The following AP3S2 variants were observed in gnomAD, a reference collection of about 807,000 sequenced individuals.
AP3S2 encodes the protein adaptor related protein complex 3 subunit sigma 2.
AP3S2 carries 22 observed loss-of-function variants against 23.4 expected under a neutral mutation model. That is an observed-to-expected ratio of 0.94 (90% CI 0.67 to 1.34). The LOEUF (loss-of-function observed/expected upper bound fraction) is 1.34. Ranked by LOEUF, AP3S2 falls within the 40% of genes most tolerant of loss-of-function variation. The pLI, the probability that AP3S2 is intolerant of heterozygous loss-of-function variation, is 0.00. For missense variants in AP3S2, 241 were observed against 236.9 expected (o/e 1.02, Z -0.11); for synonymous variants, 86 against 87.1 (o/e 0.99, Z 0.07).
chr15:89,863,574 A>G (rs1036333103), intron 4 of AP3S2, among the ~76,000 whole-genome samples: 4 of 152,232 alleles, frequency 2.6e-5, no homozygotes, highest in African/African-American at 9.6e-5. Context: ...AGAAGCAGTG[A>G]TAAAAAGAGT....
chr15:89,855,395 G>GC (rs1414770316), intron 4 of AP3S2, among the ~76,000 whole-genome samples: 2 of 76,046 alleles, frequency 2.6e-5, no homozygotes, highest in Non-Finnish European at 5.3e-5. Flanking sequence ...ACTGCGGAAG[G>GC]CCACAGGGTC....
In AP3S2 at chr15:89,858,511, GAGAGAGAGAGAGAGAA is replaced by G. The variant is rs1435884685; in HGVS notation, c.345+12948_345+12963del. ...AGAAAGAAAGAGAGAGAGAGAGAGA[GAGAGAGAGAGAGAGAA>G]AGAAAGAAAGAAAGAAAGAAAGAAA... On this transcript the variant is annotated intron_variant, in intron 4 of 5. Transcript: ENST00000336418. Among the ~76,000 whole-genome samples, 9 of 55,554 alleles carry G rather than the reference GAGAGAGAGAGAGAGAA, an allele frequency of 1.6e-4. 1 individual carries two copies. Among genetic ancestry groups the G allele is most frequent in the African/African-American group, 4.7e-4 (9 of 19,176 alleles). 36.4% of individuals were successfully genotyped at this position (55,554 alleles called of 152,430 possible). A position where few individuals can be genotyped will look rare whatever the true frequency, so the allele number is the denominator to read the frequency against.
intron 4 of AP3S2, among the ~76,000 whole-genome samples, chr15:89,859,172 T>C (rs1208358585): frequency 2.0e-5 from 3 of 150,816 alleles, no homozygotes; most frequent in African/African-American, 7.3e-5. Context: ...GTGTCCTTCC[T>C]TCCTTCCTTT....
intron 3 of AP3S2, among the ~76,000 whole-genome samples, chr15:89,879,409 T>C (rs1346870334): frequency 6.6e-6 from 1 of 152,184 alleles, no homozygotes; most frequent in African/African-American, 2.4e-5. Context: ...AGGATGTCAT[T>C]GCAGCATCCT....
chr15:89,873,804 G>C lies in AP3S2; in HGVS notation c.274-2258C>G, dbSNP rs565640639. ...ACCCATTTAGCAATAAGACATAAAT[G>C]GGTCTTATTTTATTTCTAATTAATA... On this transcript the variant is annotated intron_variant, in intron 3 of 5. Coordinates refer to ENST00000336418, the MANE Select transcript of AP3S2 (RefSeq NM_005829.5). Among the ~76,000 whole-genome samples the C allele has an allele frequency of 2.7e-5, 4 of 150,768 alleles. No individual in the cohort carries two copies. The East Asian group carries it at 7.8e-4, about 29-fold the overall frequency.
At chr15:89,870,702 C>G (rs1327311843) in intron 4 of AP3S2, among the ~76,000 whole-genome samples, 1 of 152,188 alleles carries the variant, frequency 6.6e-6, no homozygotes, top group Non-Finnish European at 1.5e-5. Context: ...CAATGAGCAG[C>G]AGTCTCCTAA....
chr15:89,837,539 C>G, intron 5 of AP3S2, 76 bp downstream of exon 5: 2 of 1,554,814 alleles, frequency 1.3e-6, no homozygotes, highest in Admixed American at 3.4e-5. Flanking sequence ...CAACACAAAC[C>G]AACACATGTA....
At chr15:89,849,868 C>G (rs374597968) in intron 4 of AP3S2, among the ~76,000 whole-genome samples, 4 of 152,014 alleles carry the variant, frequency 2.6e-5, no homozygotes, top group South Asian at 4.2e-4. Context: ...TGATGGTCCC[C>G]TCCCTGTGCC....
Position 89,832,548 on chromosome 15 carries a change from G to A in AP3S2, c.*2967C>T, listed in dbSNP as rs2141828350. The A allele has an allele frequency of 6.7e-6, 1 of 148,484 alleles. No individual in the cohort carries two copies. Among genetic ancestry groups the A allele is most frequent in the East Asian group, 2.0e-4 (1 of 5,070 alleles). The allele number at this position is 148,484 out of a possible 1,614,324, so 9.2% of individuals were successfully genotyped here. A position where few individuals can be genotyped will look rare whatever the true frequency, so the allele number is the denominator to read the frequency against. ...GTGTTGCCCAGGCTGGAGTGTAGTG[G>A]TGCGATCTTGGCTCACTGCAAGCTC... On this transcript the variant is annotated 3_prime_UTR_variant, in exon 6 of 6. Coordinates refer to ENST00000336418, the MANE Select transcript of AP3S2 (RefSeq NM_005829.5).
intron 1 of AP3S2, chr15:89,893,564 A>G (rs1896868120): frequency 2.5e-6 from 1 of 403,906 alleles, no homozygotes; most frequent in Non-Finnish European, 4.4e-6. Flanking sequence ...GACTTCAATC[A>G]CTCAAGTTCT....
At chr15:89,851,693 C>G (rs550285623) in intron 4 of AP3S2, among the ~76,000 whole-genome samples, 7 of 152,218 alleles carry the variant, frequency 4.6e-5, no homozygotes, top group Admixed American at 3.9e-4. Flanking sequence ...ATATTTTATG[C>G]TCTTTGAATA....
intron 4 of AP3S2, chr15:89,850,702 T>C (rs1267847467): frequency 7.0e-6 from 1 of 142,306 alleles, no homozygotes; most frequent in Admixed American, 7.8e-5. Context: ...GTTCAAGGCA[T>C]TCACTGATTT....
chr15:89,844,273 CTCTCTCTCTCTT>C (rs1596189503), intron 4 of AP3S2, among the ~76,000 whole-genome samples: 4 of 16,230 alleles, frequency 2.5e-4, no homozygotes, highest in Non-Finnish European at 4.7e-4. Flanking sequence ...CTTTCTTTCT[CTCTCTCTCTCTT>C]TCTTTCTTTA....
chr15:89,835,671 G>C, intron 5 of AP3S2, 28 bp from the exon 6 acceptor site: 1 of 1,320,264 alleles, frequency 7.6e-7, no homozygotes, highest in Non-Finnish European at 1.0e-6. Context: ...GCGAGTATGA[G>C]ACAAATTCTC....
rs144319897 is a variant in AP3S2 at position 89,874,398 on chromosome 15, G to A, written c.274-2852C>T. Among the ~76,000 whole-genome samples the A allele has an allele frequency of 3.6e-4, 55 of 152,312 alleles. No individual in the cohort carries two copies. The East Asian group carries it at 0.01, about 28-fold the overall frequency. ...GAAGAGACCACCAAACAGGCTTTGT[G>A]TGAGAAACAAGGCTGTTTATTTCAC... On this transcript the variant is annotated intron_variant, in intron 3 of 5. Coordinates refer to ENST00000336418, the MANE Select transcript of AP3S2 (RefSeq NM_005829.5).
intron 3 of AP3S2, among the ~76,000 whole-genome samples, chr15:89,879,850 G>C (rs1896529571): frequency 6.6e-6 from 1 of 151,934 alleles, no homozygotes; most frequent in African/African-American, 2.4e-5. Flanking sequence ...TCAAAGTTAG[G>C]TTGCAGTGAG....
intron 3 of AP3S2, among the ~76,000 whole-genome samples, chr15:89,878,849 T>C (rs556455837): frequency 6.6e-6 from 1 of 152,254 alleles, no homozygotes; most frequent in East Asian, 1.9e-4. Context: ...CAGGTTCAAG[T>C]GATTCTCCCG....
chr15:89,857,875 A>G (rs985287710), intron 4 of AP3S2, among the ~76,000 whole-genome samples: 5 of 152,150 alleles, frequency 3.3e-5, no homozygotes, highest in Non-Finnish European at 7.4e-5. Context: ...ACTGATTTTG[A>G]TCACTGAAAT....
chr15:89,888,985 G>A, intron 2 of AP3S2, 64 bp downstream of exon 2: 2 of 1,590,798 alleles, frequency 1.3e-6, no homozygotes, highest in Non-Finnish European at 1.7e-6. Context: ...ACTGTCAGAA[G>A]ATGCAATAAT....
Sources: allele counts gnomAD v4.1 joint callset (sites outside exome capture counted in the v4.1 genomes callset), GRCh38; gene constraint gnomAD v4.1.1; transcripts MANE v1.5; gene names NCBI Gene and HGNC (gene_info 2026-07-23, HGNC 2026-07-21).